Variants in POLQ observed in about 807,000 individuals in gnomAD.
POLQ encodes the protein epididymis secretory sperm binding protein.
A neutral mutation model predicts 259.2 loss-of-function variants in POLQ; 233 were observed. That is an observed-to-expected ratio of 0.90 (90% CI 0.81 to 1.00). The LOEUF is 1.00. Ranked by LOEUF, POLQ falls within the 50% of genes least tolerant of loss-of-function variation. The pLI is 0.00. For synonymous variants in POLQ, 1,025 were observed against 1,048.8 expected (o/e 0.98, Z 0.44); for missense variants, 2,871 against 3,051.6 (o/e 0.94, Z 1.39).
intron 7 of POLQ, among the ~76,000 whole-genome samples, chr3:121,523,005 C>T (rs891044887): frequency 2.0e-5 from 3 of 152,002 alleles, no homozygotes; most frequent in African/African-American, 7.2e-5. Flanking sequence ...TTTTTGTCTT[C>T]TCCCCCAGTA....
At chr3:121,508,028 T>G (rs983981066) in intron 12 of POLQ, among the ~76,000 whole-genome samples, 4 of 150,606 alleles carry the variant, frequency 2.7e-5, no homozygotes, top group African/African-American at 9.8e-5. Context: ...TTTTTTTTTT[T>G]TTTTTTTGTT....
chr3:121,455,324 T>C (rs1481026966), intron 25 of POLQ, among the ~76,000 whole-genome samples: 2 of 141,700 alleles, frequency 1.4e-5, no homozygotes, highest in Non-Finnish European at 3.1e-5. Context: ...TTAAAAGAAC[T>C]AGAAAAGCAA....
intron 8 of POLQ, among the ~76,000 whole-genome samples, chr3:121,521,419 T>G (rs1475377236): frequency 6.6e-6 from 1 of 152,146 alleles, no homozygotes; most frequent in East Asian, 1.9e-4. Context: ...TTCTAATGCA[T>G]TTAAAAGTTT....
chr3:121,453,164 C>G (rs1169015942), intron 25 of POLQ, among the ~76,000 whole-genome samples: 9 of 152,198 alleles, frequency 5.9e-5, no homozygotes, highest in Non-Finnish European at 1.0e-4. Context: ...CTCCAACAGA[C>G]CTGCAGCTGA....
chr3:121,460,297 T>G (rs1429089168), intron 24 of POLQ, 63 bp from the exon 25 acceptor site: 5 of 1,235,082 alleles, frequency 4.0e-6, no homozygotes, highest in Middle Eastern at 2.2e-4. Flanking sequence ...ATCCAAGTTC[T>G]ATATCATATA....
chr3:121,472,179 T>C lies in POLQ; in HGVS notation c.6544-15A>G. On this transcript the variant is annotated splice_polypyrimidine_tract_variant and intron_variant, in intron 21 of 29. Coordinates refer to ENST00000264233, the MANE Select transcript of POLQ (RefSeq NM_199420.4). Reference sequence around the variant, plus strand: ...TTTAAAACGTCCTGCCAAAAAAATATAAGGTAAGATTGAATTCTTGTCCAA... The same window carrying C: ...TTTAAAACGTCCTGCCAAAAAAATACAAGGTAAGATTGAATTCTTGTCCAA... 1 of 1,304,882 alleles carries C rather than the reference T, an allele frequency of 7.7e-7. No homozygotes were observed. The highest frequency in any genetic ancestry group is 1.1e-6 in the Non-Finnish European group (1 of 952,144). 80.8% of individuals were successfully genotyped at this position (1,304,882 alleles called of 1,614,324 possible).
chr3:121,545,987 T>C lies in POLQ; in HGVS notation c.-110A>G, dbSNP rs1269589576. On this transcript the variant is annotated 5_prime_UTR_variant, in exon 1 of 30. Transcript: ENST00000264233. ...GACATCTTCCCGCCAGTCTTCAAAC[T>C]CAAACCTCCCGGCCCGCCCCGGAAC... is the stretch of plus-strand genomic sequence containing the variant. 1.5e-6 allele frequency: 2 copies of C among 1,331,488 alleles called. No individual in the cohort carries two copies. Among genetic ancestry groups the C allele is most frequent in the South Asian group, 1.2e-5 (1 of 80,844 alleles). The allele number at this position is 1,331,488 out of a possible 1,614,324, so 82.5% of individuals were successfully genotyped here.
At chr3:121,494,164 G>A (rs1369963912) in intron 14 of POLQ, 9 of 1,008,104 alleles carry the variant, frequency 8.9e-6, no homozygotes, top group African/African-American at 1.6e-5. Flanking sequence ...CCCTGCTGTC[G>A]TGAAGAAGCA....
rs1203532953 is a variant in POLQ at position 121,522,091 on chromosome 3, T to G, written c.1167A>C (p.Glu389Asp). The change falls in exon 8 of 30, where the codon GAA (glutamate) becomes GAC (aspartate). Residue 389 changes from glutamate (E) to aspartate (D), a missense_variant. By Grantham distance (45) the Glu-to-Asp change is conservative (BLOSUM62 2). Coordinates refer to ENST00000264233, the MANE Select transcript of POLQ (RefSeq NM_199420.4). ...PVILEQKELL[E>D]VMDQLRRLPS... is the part of the protein sequence containing the mutation. ...GCAAACGTCTTAACTGATCCATCAC[T>G]TCCAGGAGTTCTTTTTGTTCCAGAA... 2 of 1,610,822 alleles carry G rather than the reference T, an allele frequency of 1.2e-6. No homozygotes were observed. The highest frequency in any genetic ancestry group is 2.2e-5 in the South Asian group (2 of 90,692).
chr3:121,469,262 G>A (rs554107126), intron 22 of POLQ, among the ~76,000 whole-genome samples: 2 of 150,564 alleles, frequency 1.3e-5, no homozygotes, highest in South Asian at 4.2e-4. Flanking sequence ...CTTATTGGTT[G>A]AATTTCTCTA....
intron 25 of POLQ, among the ~76,000 whole-genome samples, chr3:121,459,370 T>A (rs978953861): frequency 1.1e-4 from 2 of 18,814 alleles, no homozygotes; most frequent in African/African-American, 7.8e-4. Flanking sequence ...ACTAGAAAGA[T>A]TTTTTTTTTT....
At chr3:121,484,921 T>C in intron 17 of POLQ, 120 bp downstream of exon 17, 4 of 812,406 alleles carry the variant, frequency 4.9e-6, no homozygotes, top group Non-Finnish European at 7.3e-6. Context: ...CAAAAAAAAA[T>C]TTAACTCTAA....
At chr3:121,513,169 C>A (rs1420757067) in intron 9 of POLQ, among the ~76,000 whole-genome samples, 1 of 151,922 alleles carries the variant, frequency 6.6e-6, no homozygotes, top group Non-Finnish European at 1.5e-5. Flanking sequence ...AATATCCTTA[C>A]CACCCGAGGC....
chr3:121,436,004 T>C lies in POLQ; in HGVS notation c.7543+118A>G, dbSNP rs974855683. The stretch of plus-strand genomic sequence containing the variant: ...AATAATTTCTAATAGTATAAAGACA[T>C]CATGAGACCAAAACATTTGAGAACT... On this transcript the variant is annotated intron_variant, in intron 28 of 29. Coordinates refer to ENST00000264233, the MANE Select transcript of POLQ (RefSeq NM_199420.4). 6 of 804,930 alleles carry C rather than the reference T, an allele frequency of 7.5e-6. No homozygotes were observed. In the African/African-American group the frequency reaches 1.0e-4, roughly 14 times the overall value. 49.9% of individuals were successfully genotyped at this position (804,930 alleles called of 1,614,324 possible). A position where few individuals can be genotyped will look rare whatever the true frequency, so the allele number is the denominator to read the frequency against.
Position 121,487,993 on chromosome 3 carries a change from T to C in POLQ, c.4938A>G (p.Leu1646=), listed in dbSNP as rs2048028447. ...TTTCTAGAGGACTGGATACTTTATC[T>C]AAAATCCTTTGCAGTCCTGGACTTA... The part of the protein sequence containing the change: ...FDLSPGLQRI[L]DKVSSPLENE... Residue 1646 remains leucine (L), a synonymous_variant, in exon 16 of 30, where the codon TTA becomes TTG. Coordinates refer to ENST00000264233, the MANE Select transcript of POLQ (RefSeq NM_199420.4). 3 of 1,612,792 alleles carry C rather than the reference T, an allele frequency of 1.9e-6. No homozygotes were observed. Among genetic ancestry groups the C allele is most frequent in the Non-Finnish European group, 2.5e-6 (3 of 1,179,496 alleles).
intron 10 of POLQ, among the ~76,000 whole-genome samples, chr3:121,510,934 A>C (rs916378984): frequency 4.0e-5 from 6 of 151,276 alleles, no homozygotes; most frequent in African/African-American, 1.5e-4. Context: ...AAATACAAAA[A>C]TTAACTGGGT....
chr3:121,510,029 T>A lies in POLQ; in HGVS notation c.1816+10A>T. On this transcript the variant is annotated intron_variant, in intron 11 of 29. Coordinates refer to ENST00000264233, the MANE Select transcript of POLQ (RefSeq NM_199420.4). ...AAGTGAGTAAATTGCAACTGAGAAG[T>A]CACACTTACCTTCTGTTCCATCACT... The A allele has an allele frequency of 6.2e-7, 1 of 1,602,006 alleles. No individual in the cohort carries two copies. Among genetic ancestry groups the A allele is most frequent in the Non-Finnish European group, 8.6e-7 (1 of 1,169,088 alleles).
chr3:121,489,383 T>A lies in POLQ; in HGVS notation c.3548A>T (p.Tyr1183Phe). Residue 1183 changes from tyrosine (Y) to phenylalanine (F), a missense_variant, in exon 16 of 30, where the codon TAT becomes TTT. Physicochemically the swap from Tyr to Phe is conservative, Grantham distance 22. Transcript: ENST00000264233. ...IQNGSKNQNVYMKHHDIHPIN... is the reference protein window; with the variant it reads ...IQNGSKNQNVFMKHHDIHPIN... ...TGGATGGATGTCATGGTGTTTCATA[T>A]AAACATTCTGGTTTTTTGAACCATT... is the stretch of plus-strand genomic sequence containing the variant. 1.2e-6 allele frequency: 2 copies of A among 1,613,518 alleles called. No individual in the cohort carries two copies. The highest frequency in any genetic ancestry group is 1.7e-6 in the Non-Finnish European group (2 of 1,179,834).
Position 121,468,397 on chromosome 3 carries a change from A to G in POLQ, c.6753T>C (p.Asn2251=), listed in dbSNP as rs766058591. The change falls in exon 23 of 30, where the codon AAT becomes AAC. Residue 2251 remains asparagine, a synonymous_variant. Transcript: ENST00000264233. ...TTTTGATTTCAAAATCTCTTGGCACATTCTGAATATTTGGTTCTGTAAAGG... is the reference window on the plus strand; with the variant it reads ...TTTTGATTTCAAAATCTCTTGGCACGTTCTGAATATTTGGTTCTGTAAAGG... ...RITFTEPNIQ[N]VPRDFEIKMP... is the part of the protein sequence containing the mutation. The G allele has an allele frequency of 1.2e-6, 2 of 1,611,114 alleles. No individual in the cohort carries two copies. The highest frequency in any genetic ancestry group is 2.2e-5 in the East Asian group (1 of 44,830).
Sources: gnomAD v4.1 joint callset for allele counts (sites outside exome capture counted in the v4.1 genomes callset) on GRCh38, gnomAD v4.1.1 for gene constraint, MANE v1.5 for transcripts, NCBI Gene and HGNC (gene_info 2026-07-23, HGNC 2026-07-21) for gene names.